Variants in SPTLC1 observed in about 807,000 individuals in gnomAD.
SPTLC1 encodes serine palmitoyltransferase 1.
SPTLC1 carries 55 observed loss-of-function variants against 68.9 expected under a neutral mutation model. The observed-to-expected ratio is 0.80, with a 90% CI of 0.64 to 1.00. The LOEUF (loss-of-function observed/expected upper bound fraction) is 1.00. Ranked by LOEUF, SPTLC1 falls within the 50% of genes least tolerant of loss-of-function variation. SPTLC1 has a pLI of 0.00. For missense variants in SPTLC1, 449 were observed against 573.1 expected (o/e 0.78, Z 2.21); for synonymous variants, 197 against 201.6 (o/e 0.98, Z 0.19).
At chr9:92,087,686 G>A (rs1026818222) in intron 3 of SPTLC1, among the ~76,000 whole-genome samples, 9 of 152,168 alleles carry the variant, frequency 5.9e-5, no homozygotes, top group African/African-American at 2.2e-4. Flanking sequence ...GCTGCTCAGG[G>A]GTCAGGGGTC....
chr9:92,098,232 C>T (rs894326804), intron 3 of SPTLC1, among the ~76,000 whole-genome samples: 3 of 152,176 alleles, frequency 2.0e-5, no homozygotes, highest in Non-Finnish European at 4.4e-5. Context: ...CCTGTTCCCG[C>T]CACCCGGACC....
chr9:92,047,768 C>G, intron 9 of SPTLC1, 60 bp from the exon 10 acceptor site: 1 of 1,183,562 alleles, frequency 8.4e-7, no homozygotes, highest in South Asian at 1.3e-5. Flanking sequence ...AGGCCAACTT[C>G]AAGCCTAGAG....
At chr9:92,079,652 T>A in intron 5 of SPTLC1, 1 of 1,259,926 alleles carries the variant, frequency 7.9e-7, no homozygotes, top group Non-Finnish European at 1.2e-6. Flanking sequence ...GAGCTGTTTC[T>A]CAGCCCCCTG....
chr9:92,085,248 C>T (rs1425605517), intron 3 of SPTLC1, among the ~76,000 whole-genome samples: 2 of 149,154 alleles, frequency 1.3e-5, no homozygotes, highest in African/African-American at 2.5e-5. Flanking sequence ...TCCTTCAGTT[C>T]TGCTCTGATC....
At chr9:92,055,297 T>A in intron 8 of SPTLC1, 108 bp downstream of exon 8, 1 of 1,556,240 alleles carries the variant, frequency 6.4e-7, no homozygotes. Context: ...TTATGAGGCC[T>A]AATGCGCAAA....
intron 3 of SPTLC1, among the ~76,000 whole-genome samples, chr9:92,083,135 T>A (rs1459439099): frequency 1.3e-5 from 2 of 150,798 alleles, no homozygotes; most frequent in Non-Finnish European, 1.5e-5. Flanking sequence ...AGATTCTGGA[T>A]ATTAGCCCTT....
intron 3 of SPTLC1, among the ~76,000 whole-genome samples, chr9:92,090,550 T>C (rs1332144602): frequency 6.6e-6 from 1 of 151,728 alleles, no homozygotes; most frequent in East Asian, 1.9e-4. Context: ...AGAGAGACAC[T>C]GCAGTGAGCT....
Position 92,047,664 on chromosome 9 carries a change from A to G in SPTLC1, c.933T>C (p.Leu311=). Residue 311 remains leucine, a synonymous_variant, in exon 10 of 15, where the codon CTT becomes CTC. Transcript: ENST00000262554. The stretch of plus-strand genomic sequence containing the variant: ...CACAGCAGAAACCTCCAATAGAAGC[A>G]AGTGCATTCTCCATGTTGGCACTGA... The part of the protein sequence containing the change: ...DLISANMENA[L]ASIGGFCCGR... The G allele has an allele frequency of 1.2e-6, 2 of 1,613,888 alleles. No homozygotes were observed. The highest frequency in any genetic ancestry group is 2.2e-5 in the South Asian group (2 of 91,052).
chr9:92,053,107 G>T (rs890330499), intron 8 of SPTLC1, among the ~76,000 whole-genome samples: 1 of 149,256 alleles, frequency 6.7e-6, no homozygotes. Context: ...AAAGGTATAC[G>T]CATGGCCAAA....
At chr9:92,101,198 T>G (rs1461204283) in intron 3 of SPTLC1, among the ~76,000 whole-genome samples, 1 of 151,796 alleles carries the variant, frequency 6.6e-6, no homozygotes, top group African/African-American at 2.4e-5. Flanking sequence ...GAGAGAAAAC[T>G]TAATCGAATA....
intron 3 of SPTLC1, among the ~76,000 whole-genome samples, chr9:92,088,856 G>T (rs1015128066): frequency 2.6e-5 from 4 of 152,140 alleles, no homozygotes; most frequent in Non-Finnish European, 5.9e-5. Flanking sequence ...ACTTGATACA[G>T]GAATCCTGGA....
chr9:92,041,615 T>A (rs1298594509), intron 12 of SPTLC1, among the ~76,000 whole-genome samples: 1 of 152,138 alleles, frequency 6.6e-6, no homozygotes, highest in Non-Finnish European at 1.5e-5. Context: ...GAGTGGAAAA[T>A]AGCCAAATCA....
chr9:92,086,976 A>G (rs369201885), intron 3 of SPTLC1, among the ~76,000 whole-genome samples: 2 of 151,840 alleles, frequency 1.3e-5, no homozygotes, highest in Non-Finnish European at 2.9e-5. Flanking sequence ...TTCCCTTCTC[A>G]CTTCATTTCA....
chr9:92,086,757 T>C (rs1431909325), intron 3 of SPTLC1, among the ~76,000 whole-genome samples: 1 of 152,194 alleles, frequency 6.6e-6, no homozygotes, highest in Non-Finnish European at 1.5e-5. Flanking sequence ...CTTTGTGGTG[T>C]TCTCTGTATT....
chr9:92,086,890 T>C (rs1401513865), intron 3 of SPTLC1, among the ~76,000 whole-genome samples: 2 of 152,248 alleles, frequency 1.3e-5, no homozygotes, highest in Admixed American at 6.5e-5. Context: ...CAATCAGACG[T>C]AGATTTGGTC....
chr9:92,051,283 A>C (rs1468058830), intron 8 of SPTLC1: 1 of 984,474 alleles, frequency 1.0e-6, no homozygotes, highest in East Asian at 1.1e-4. Flanking sequence ...CCTAGATTAA[A>C]ATCTCAATGG....
intron 7 of SPTLC1, 131 bp from the exon 8 acceptor site, chr9:92,055,625 G>T (rs1164655054): frequency 2.1e-6 from 2 of 930,770 alleles, no homozygotes; most frequent in Non-Finnish European, 1.7e-6. Flanking sequence ...TGAAAGCTCA[G>T]TGTTTGTGAT....
chr9:92,076,169 TCCACCG>T (rs1194430309), intron 5 of SPTLC1, among the ~76,000 whole-genome samples: 1 of 152,114 alleles, frequency 6.6e-6, no homozygotes, highest in East Asian at 1.9e-4. Flanking sequence ...CTTCACATCC[TCCACCG>T]CCACCCTGTC....
intron 3 of SPTLC1, chr9:92,104,560 C>T (rs921786781): frequency 8.2e-6 from 12 of 1,464,282 alleles, no homozygotes; most frequent in East Asian, 2.5e-5. Context: ...ACCTCAGCCC[C>T]GTGAGGATCT....
Sources: allele counts gnomAD v4.1 joint callset (sites outside exome capture counted in the v4.1 genomes callset), GRCh38; gene constraint gnomAD v4.1.1; transcripts MANE v1.5; gene names NCBI Gene and HGNC (gene_info 2026-07-23, HGNC 2026-07-21).